The following RIMS2 variants were observed in gnomAD, a reference collection of about 807,000 sequenced individuals.
RIMS2 encodes the protein regulating synaptic membrane exocytosis protein 2.
Under a neutral mutation model 174.4 loss-of-function variants are expected in RIMS2, and 59 were observed. The ratio of observed to expected loss-of-function variants is 0.34; its 90% CI spans 0.27 to 0.42. The LOEUF (loss-of-function observed/expected upper bound fraction) is 0.42, where lower values mean the gene tolerates loss of function less well. Among genes scored for constraint, RIMS2 ranks in the 10% least tolerant of loss-of-function variants. The probability of loss-of-function intolerance (pLI) is 1.00; values close to 1 mark genes in which losing one functional copy is unlikely to be tolerated. For synonymous variants in RIMS2, 606 were observed against 572.5 expected (o/e 1.06, Z -0.84); for missense variants, 1,620 against 1,666.3 (o/e 0.97, Z 0.48).
rs746779512 is a variant in RIMS2, at chr8:104,223,585, A to C, written c.3335-21331A>C. On this transcript the variant is annotated intron_variant, in intron 19 of 23. Coordinates refer to ENST00000504942, the Ensembl canonical transcript of RIMS2. ...CCCACTGGTCCCGGAACCGCTGCGG[A>C]CGCTGCGCCCCAGCCGCCAAGACGC... The C allele has an allele frequency of 3.4e-6, 5 of 1,488,654 alleles. No individual in the cohort carries two copies. In the East Asian group the frequency reaches 1.2e-4, roughly 37 times the overall value. 92.2% of individuals were successfully genotyped at this position (1,488,654 alleles called of 1,614,324 possible).
chr8:104,251,545 A>G, intron 23 of RIMS2, 57 bp from the exon 30 acceptor site: 2 of 903,192 alleles, frequency 2.2e-6, no homozygotes, highest in Middle Eastern at 2.4e-4. Context: ...ATATTTTACA[A>G]GTTTTTCTAT....
In RIMS2 at chr8:103,759,564, C is replaced by CAAAAAAAAAAAAAAA. The variant is rs35946104; in HGVS notation, c.388-6653_388-6639dup. On this transcript the variant is annotated intron_variant, in intron 2 of 23. Coordinates refer to ENST00000504942, the Ensembl canonical transcript of RIMS2. ...TGGGCGACAGAGCGAGACTCCGTCT[C>CAAAAAAAAAAAAAAA]AAAAAAAAAAAAAAAAAAAAAAAAG... 3.6e-4 allele frequency among the ~76,000 whole-genome samples: 25 copies of CAAAAAAAAAAAAAAA among 69,996 alleles called. 1 individual carries two copies. Among genetic ancestry groups the CAAAAAAAAAAAAAAA allele is most frequent in the East Asian group, 5.4e-4 (1 of 1,840 alleles). 45.9% of individuals were successfully genotyped at this position (69,996 alleles called of 152,430 possible). A position where few individuals can be genotyped will look rare whatever the true frequency, so the allele number is the denominator to read the frequency against.
At chr8:103,744,200 C>T (rs1295276590) in intron 2 of RIMS2, among the ~76,000 whole-genome samples, 1 of 152,098 alleles carries the variant, frequency 6.6e-6, no homozygotes, top group South Asian at 2.1e-4. Context: ...CATGCGCCAC[C>T]ACGCCTAGCT....
intron 19 of RIMS2, among the ~76,000 whole-genome samples, chr8:104,232,861 T>C: frequency 6.8e-6 from 1 of 147,572 alleles, no homozygotes; most frequent in South Asian, 2.2e-4. Flanking sequence ...CTTCTATAGT[T>C]GAAGGATGGG....
chr8:103,559,143 G>T, intron 1 of RIMS2: 1 of 158,354 alleles, frequency 6.3e-6, no homozygotes, highest in Non-Finnish European at 1.3e-5. Context: ...TTTGCCCCCA[G>T]CAGCCTCAGC....
intron 15 of RIMS2, 30 bp downstream of exon 17, chr8:103,961,163 T>G (rs781319634): frequency 1.1e-6 from 1 of 948,622 alleles, no homozygotes; most frequent in Non-Finnish European, 1.7e-6. Flanking sequence ...TTTATAGTAT[T>G]AAAAAGGGAG....
chr8:103,990,213 A>G (rs55746407), intron 17 of RIMS2, among the ~76,000 whole-genome samples: 19,280 of 152,040 alleles, frequency 0.13, 1,696 homozygotes, highest in Non-Finnish European at 0.19. Flanking sequence ...AGAACATTTG[A>G]GGGCTTTTAA....
intron 4 of RIMS2, among the ~76,000 whole-genome samples, chr8:103,902,831 A>C (rs560711547): frequency 5.1e-4 from 78 of 152,250 alleles, no homozygotes; most frequent in South Asian, 3.9e-3. Flanking sequence ...AAAGTCCTAC[A>C]CTCAAGAAAC....
chr8:104,168,958 T>C (rs960757564), intron 19 of RIMS2, among the ~76,000 whole-genome samples: 1 of 152,126 alleles, frequency 6.6e-6, no homozygotes, highest in Non-Finnish European at 1.5e-5. Context: ...TTTATTGACT[T>C]GTGTATGTTA....
At chr8:103,556,461 A>G (rs1031951826) in intron 1 of RIMS2, among the ~76,000 whole-genome samples, 1 of 152,194 alleles carries the variant, frequency 6.6e-6, no homozygotes, top group Non-Finnish European at 1.5e-5. Context: ...CAGTGATCCC[A>G]TAATGTAGAG....
chr8:103,661,252 C>T (rs1207375133), intron 1 of RIMS2, among the ~76,000 whole-genome samples: 2 of 152,084 alleles, frequency 1.3e-5, no homozygotes, highest in Non-Finnish European at 2.9e-5. Flanking sequence ...TCTGAATATA[C>T]CACATTTTAT....
At chr8:103,912,992 A>ATTT (rs2075993121) in intron 6 of RIMS2, among the ~76,000 whole-genome samples, 1 of 64,300 alleles carries the variant, frequency 1.6e-5, no homozygotes, top group African/African-American at 4.8e-5. Context: ...TTTTTTTTTG[A>ATTT]GATGGAGTCT....
At chr8:103,784,496 G>A (rs1157732049) in intron 3 of RIMS2, among the ~76,000 whole-genome samples, 2 of 96,752 alleles carry the variant, frequency 2.1e-5, no homozygotes, top group African/African-American at 8.3e-5. Flanking sequence ...TGGCTAGCCA[G>A]TTTTCCCAGC....
intron 19 of RIMS2, among the ~76,000 whole-genome samples, chr8:104,200,819 C>A (rs922828817): frequency 6.6e-6 from 1 of 152,078 alleles, no homozygotes; most frequent in African/African-American, 2.4e-5. Context: ...GTGGCTGAGG[C>A]GGGAAGATCA....
chr8:103,933,203 G>A (rs1426755564), intron 12 of RIMS2, among the ~76,000 whole-genome samples: 6 of 151,822 alleles, frequency 4.0e-5, no homozygotes, highest in African/African-American at 1.5e-4. Flanking sequence ...TGAGGCAGGA[G>A]AATTGCTTTA....
At chr8:104,099,934 C>G (rs919885898) in intron 19 of RIMS2, among the ~76,000 whole-genome samples, 6 of 151,810 alleles carry the variant, frequency 4.0e-5, no homozygotes, top group Non-Finnish European at 8.8e-5. Flanking sequence ...CCTCCCACCT[C>G]AGCCTCCTGA....
intron 1 of RIMS2, among the ~76,000 whole-genome samples, chr8:103,593,310 C>T (rs915332566): frequency 6.6e-6 from 1 of 151,444 alleles, no homozygotes. Context: ...TGAAGAACGT[C>T]TTCCAGCTGA....
At chr8:103,986,861 G>T (rs1439609280) in intron 16 of RIMS2, among the ~76,000 whole-genome samples, 1 of 145,850 alleles carries the variant, frequency 6.9e-6, no homozygotes, top group Non-Finnish European at 1.5e-5. Flanking sequence ...CAAGAAGAGT[G>T]AAACTCCGTC....
At chr8:103,560,364 C>T (rs111672319) in intron 1 of RIMS2, among the ~76,000 whole-genome samples, 109 of 151,720 alleles carry the variant, frequency 7.2e-4, no homozygotes, top group Admixed American at 1.3e-3. Context: ...GTGACAAGAG[C>T]GAAACTCTGT....
Sources: gnomAD v4.1 joint callset for allele counts (sites outside exome capture counted in the v4.1 genomes callset) on GRCh38, gnomAD v4.1.1 for gene constraint, MANE v1.5 for transcripts, NCBI Gene and HGNC (gene_info 2026-07-23, HGNC 2026-07-21) for gene names.